BMAL1: variants seen among roughly 807,000 people sequenced by gnomAD.
The protein encoded by BMAL1 is basic helix-loop-helix ARNT like 1, also known as basic helix-loop-helix ARNT-like protein 1.
chr11:13,329,727 C>T, the BMAL1 span, among the ~76,000 whole-genome samples: 6 of 152,174 alleles, frequency 3.9e-5, no homozygotes, highest in East Asian at 1.9e-4. Context: ...GGCATTTGAA[C>T]GGCAGAGCAG....
At chr11:13,301,591 C>T in the BMAL1 span, among the ~76,000 whole-genome samples, 5 of 152,098 alleles carry the variant, frequency 3.3e-5, no homozygotes, top group Non-Finnish European at 7.4e-5. Context: ...CATTTGTCAA[C>T]ATCTTGAAGG....
At chr11:13,385,154 T>C in the BMAL1 span, among the ~76,000 whole-genome samples, 1 of 152,208 alleles carries the variant, frequency 6.6e-6, no homozygotes, top group Non-Finnish European at 1.5e-5. Flanking sequence ...CAGAGTTCTC[T>C]TACTGAGTAG....
At chr11:13,283,843 T>A in the BMAL1 span, among the ~76,000 whole-genome samples, 1 of 152,056 alleles carries the variant, frequency 6.6e-6, no homozygotes, top group African/African-American at 2.4e-5. Context: ...CTCCCCCTGC[T>A]TTCTCTGCAG....
chr11:13,344,051 AG>A, the BMAL1 span, among the ~76,000 whole-genome samples: 1 of 152,126 alleles, frequency 6.6e-6, no homozygotes, highest in Admixed American at 6.6e-5. Flanking sequence ...CCTGACAACC[AG>A]CACCTTTGAG....
chr11:13,385,379 T>G, the BMAL1 span, among the ~76,000 whole-genome samples: 6 of 152,214 alleles, frequency 3.9e-5, no homozygotes, highest in Non-Finnish European at 7.3e-5. Context: ...CTGGGCTCAT[T>G]GAAGTTTAGG....
At chr11:13,324,239 T>C in the BMAL1 span, among the ~76,000 whole-genome samples, 1 of 152,214 alleles carries the variant, frequency 6.6e-6, no homozygotes, top group Non-Finnish European at 1.5e-5. Context: ...GTCATTTCCC[T>C]GCTCTAAACT....
the BMAL1 span, among the ~76,000 whole-genome samples, chr11:13,294,194 C>T: frequency 1.3e-5 from 2 of 152,112 alleles, no homozygotes; most frequent in African/African-American, 4.8e-5. Flanking sequence ...AAGGAAAGAA[C>T]TTCTTTCTTG....
At chr11:13,358,821 T>C in the BMAL1 span, among the ~76,000 whole-genome samples, 2 of 152,370 alleles carry the variant, frequency 1.3e-5, no homozygotes, top group South Asian at 4.1e-4. Context: ...GCATAGAAAC[T>C]GTGCTTTGCA....
chr11:13,385,533 T>C, the BMAL1 span, among the ~76,000 whole-genome samples: 1 of 152,182 alleles, frequency 6.6e-6, no homozygotes, highest in Non-Finnish European at 1.5e-5. Flanking sequence ...TTTCTTACTC[T>C]GACCATGTCT....
At chr11:13,295,741 A>G in the BMAL1 span, among the ~76,000 whole-genome samples, 57 of 152,200 alleles carry the variant, frequency 3.7e-4, no homozygotes, top group Non-Finnish European at 7.6e-4. Context: ...GTCCAGATTT[A>G]TGCATGCTGC....
chr11:13,372,095 C>T, the BMAL1 span: 2 of 1,587,634 alleles, frequency 1.3e-6, no homozygotes, highest in East Asian at 2.2e-5. Flanking sequence ...TCCCATCCCA[C>T]CATCGGCCGT....
the BMAL1 span, among the ~76,000 whole-genome samples, chr11:13,386,223 T>A: frequency 6.6e-6 from 1 of 152,224 alleles, no homozygotes; most frequent in Non-Finnish European, 1.5e-5. Context: ...AAACTCTCCC[T>A]TCCTATTTGC....
chr11:13,374,638 A>G, the BMAL1 span, among the ~76,000 whole-genome samples: 5 of 152,058 alleles, frequency 3.3e-5, no homozygotes, highest in Admixed American at 3.3e-4. Context: ...TCAGACATGC[A>G]TTTCCAAAAG....
At chr11:13,381,079 C>T in the BMAL1 span, 4 of 1,395,922 alleles carry the variant, frequency 2.9e-6, no homozygotes, top group Admixed American at 1.7e-5. Context: ...GATCTTCATC[C>T]CCTTTCTCAC....
chr11:13,323,216 G>T, the BMAL1 span, among the ~76,000 whole-genome samples: 1 of 152,094 alleles, frequency 6.6e-6, no homozygotes, highest in South Asian at 2.1e-4. Context: ...TGACACACTG[G>T]GTGCATGTCT....
At chr11:13,311,968 C>T in the BMAL1 span, among the ~76,000 whole-genome samples, 1 of 152,146 alleles carries the variant, frequency 6.6e-6, no homozygotes, top group African/African-American at 2.4e-5. Context: ...GAGGATAATT[C>T]CTCCAGTCAT....
At chr11:13,385,938 C>A in the BMAL1 span, 5 of 688,058 alleles carry the variant, frequency 7.3e-6, no homozygotes, top group Non-Finnish European at 1.2e-5. Flanking sequence ...TTGTTTAAAT[C>A]TCTAAAAAGT....
At chr11:13,374,268 A>G in the BMAL1 span, 1 of 1,424,996 alleles carries the variant, frequency 7.0e-7, no homozygotes, top group South Asian at 1.2e-5. Context: ...AGTCAACATG[A>G]CCTTCCAGGG....
the BMAL1 span, among the ~76,000 whole-genome samples, chr11:13,334,883 T>A: frequency 7.9e-5 from 12 of 152,226 alleles, no homozygotes; most frequent in Non-Finnish European, 1.8e-4. Context: ...ATGCCTGGGC[T>A]TTTCTGGCCA....
Sources: allele counts gnomAD v4.1 joint callset (sites outside exome capture counted in the v4.1 genomes callset), GRCh38; gene constraint gnomAD v4.1.1; transcripts MANE v1.5; gene names NCBI Gene and HGNC (gene_info 2026-07-23, HGNC 2026-07-21).